The following LRRC17 variants were observed in gnomAD, a reference collection of about 807,000 sequenced individuals.
The protein encoded by LRRC17 is leucine-rich repeat-containing protein 17.
LRRC17 carries 33 observed loss-of-function variants against 41.5 expected under a neutral mutation model. That is an observed-to-expected ratio of 0.80 (90% CI 0.60 to 1.06). LRRC17 has a LOEUF of 1.06. LRRC17 is among the 50% of genes least tolerant of loss of function. The pLI, the probability that LRRC17 is intolerant of heterozygous loss-of-function variation, is 0.00. For missense variants in LRRC17, 491 were observed against 519.3 expected (o/e 0.95, Z 0.53); for synonymous variants, 192 against 197.0 (o/e 0.97, Z 0.21).
intron 1 of LRRC17, among the ~76,000 whole-genome samples, chr7:102,923,080 T>C (rs1817399808): frequency 6.6e-6 from 1 of 152,228 alleles, no homozygotes; most frequent in Non-Finnish European, 1.5e-5. Context: ...CACAAGGTGA[T>C]ATATGTCAAA....
chr7:102,937,245 A>C (rs995381519), intron 2 of LRRC17, among the ~76,000 whole-genome samples: 3 of 152,050 alleles, frequency 2.0e-5, no homozygotes, highest in Non-Finnish European at 4.4e-5. Context: ...CACGCCTATA[A>C]TCCCAGCACT....
chr7:102,934,244 G>C lies in LRRC17; in HGVS notation c.331G>C (p.Asp111His), dbSNP rs747517821. Residue 111 changes from aspartate to histidine, a missense_variant, in exon 2 of 4, where the codon GAT becomes CAT. Transcript: ENST00000339431. ...CAAGTTTAAAAAGCTGAAAAGCCTGGATCTGCAGCAGAATGAGATCTCTAA... is the reference window on the plus strand; with the variant it reads ...CAAGTTTAAAAAGCTGAAAAGCCTGCATCTGCAGCAGAATGAGATCTCTAA... ...FSKFKKLKSL[D>H]LQQNEISKIE... 4 of 1,614,200 alleles carry C rather than the reference G, an allele frequency of 2.5e-6. No homozygotes were observed. The highest frequency in any genetic ancestry group is 1.1e-5 in the South Asian group (1 of 91,084).
intron 2 of LRRC17, among the ~76,000 whole-genome samples, chr7:102,936,990 C>A (rs1016683079): frequency 2.0e-5 from 3 of 151,918 alleles, no homozygotes; most frequent in Non-Finnish European, 4.4e-5. Context: ...TTATTGCTTT[C>A]TTCAACTTAT....
intron 1 of LRRC17, among the ~76,000 whole-genome samples, chr7:102,920,546 T>C (rs1375878528): frequency 6.6e-6 from 1 of 152,014 alleles, no homozygotes; most frequent in African/African-American, 2.4e-5. Context: ...AGATGGAGTT[T>C]TACCATGTTG....
intron 1 of LRRC17, among the ~76,000 whole-genome samples, chr7:102,921,034 C>G (rs1408031723): frequency 6.6e-6 from 1 of 151,998 alleles, no homozygotes; most frequent in Non-Finnish European, 1.5e-5. Context: ...CACCTGTAAT[C>G]CCAGCTACTC....
chr7:102,928,702 C>A (rs757821927), intron 1 of LRRC17, among the ~76,000 whole-genome samples: 44 of 152,292 alleles, frequency 2.9e-4, no homozygotes, highest in Non-Finnish European at 5.6e-4. Context: ...TAATTCCCTC[C>A]AACACCTAGC....
chr7:102,939,060 A>G (rs138077832), intron 2 of LRRC17, among the ~76,000 whole-genome samples: 2 of 152,296 alleles, frequency 1.3e-5, no homozygotes, highest in African/African-American at 2.4e-5. Flanking sequence ...TTGCTCTGTC[A>G]TCCACCTTCA....
Position 102,933,935 on chromosome 7 carries a change from A to G in LRRC17, c.22A>G (p.Ile8Val). MRVVTIV[I>V]LLCFCKAAEL... ...CAGGATGCGTGTGGTTACCATTGTA[A>G]TCTTGCTCTGCTTTTGCAAAGCGGC... The change falls in exon 2 of 4, where the codon ATC (isoleucine) becomes GTC (valine). Residue 8 changes from isoleucine to valine, a missense_variant. Physicochemically the swap from Ile to Val is conservative, Grantham distance 29 (BLOSUM62 3). Transcript: ENST00000339431. 1 of 1,611,022 alleles carries G rather than the reference A, an allele frequency of 6.2e-7. No individual in the cohort carries two copies. The highest frequency in any genetic ancestry group is 8.5e-7 in the Non-Finnish European group (1 of 1,177,834).
At chr7:102,923,309 C>T (rs1029107356) in intron 1 of LRRC17, among the ~76,000 whole-genome samples, 1 of 152,080 alleles carries the variant, frequency 6.6e-6, no homozygotes, top group East Asian at 1.9e-4. Context: ...AATCAAGCCC[C>T]GATTTGTAGT....
Position 102,934,688 on chromosome 7 carries a change from T to A in LRRC17, c.772+3T>A. The A allele has an allele frequency of 1.3e-6, 2 of 1,573,558 alleles. No individual in the cohort carries two copies. The highest frequency in any genetic ancestry group is 1.7e-6 in the Non-Finnish European group (2 of 1,166,164). On this transcript the variant is annotated splice_donor_region_variant and intron_variant, in intron 2 of 3. Coordinates refer to ENST00000339431, the MANE Select transcript of LRRC17 (RefSeq NM_001031692.3). ...AACACTGGACTGCAAAAGGAAAGGT[T>A]TGTACTTTTCTTACTTTTTCATTTT...
intron 1 of LRRC17, among the ~76,000 whole-genome samples, chr7:102,921,963 G>A (rs1205186553): frequency 6.6e-6 from 1 of 152,036 alleles, no homozygotes. Context: ...GGCCAAGGTG[G>A]GTGGATCACT....
At chr7:102,937,588 T>A (rs1040837502) in intron 2 of LRRC17, among the ~76,000 whole-genome samples, 1 of 151,816 alleles carries the variant, frequency 6.6e-6, no homozygotes, top group Non-Finnish European at 1.5e-5. Flanking sequence ...TTTATATAAA[T>A]CTAGTGATTC....
intron 1 of LRRC17, among the ~76,000 whole-genome samples, chr7:102,915,468 T>G (rs555145112): frequency 6.6e-6 from 1 of 151,990 alleles, no homozygotes; most frequent in Non-Finnish European, 1.5e-5. Flanking sequence ...TTCCAAGAGT[T>G]TGAAGGATTT....
chr7:102,934,491 A>G lies in LRRC17; in HGVS notation c.578A>G (p.Glu193Gly). ...NRNLGNYAKC[E>G]SPQEQKNKKL... ...AATTTGGGGAACTACGCCAAGTGTG[A>G]AAGTCCACAAGAACAAAAAAATAAA... The change falls in exon 2 of 4, where the codon GAA becomes GGA. Residue 193 changes from glutamate (E) to glycine (G), a missense_variant. Coordinates refer to ENST00000339431, the MANE Select transcript of LRRC17 (RefSeq NM_001031692.3). The G allele has an allele frequency of 1.2e-6, 2 of 1,614,160 alleles. No individual in the cohort carries two copies. Among genetic ancestry groups the G allele is most frequent in the Non-Finnish European group, 1.7e-6 (2 of 1,180,030 alleles).
chr7:102,938,587 G>A (rs1820778708), intron 2 of LRRC17, among the ~76,000 whole-genome samples: 1 of 152,148 alleles, frequency 6.6e-6, no homozygotes, highest in African/African-American at 2.4e-5. Flanking sequence ...AGAATTTGGG[G>A]TAGCAGTATA....
intron 1 of LRRC17, among the ~76,000 whole-genome samples, chr7:102,932,204 A>C (rs1343435523): frequency 6.6e-6 from 1 of 152,230 alleles, no homozygotes; most frequent in Non-Finnish European, 1.5e-5. Flanking sequence ...CTATATACTT[A>C]GAGCTTTTAG....
intron 1 of LRRC17, chr7:102,931,828 A>G (rs971677101): frequency 1.9e-6 from 3 of 1,541,576 alleles, no homozygotes; most frequent in Non-Finnish European, 2.7e-6. Flanking sequence ...TGGCACCCCA[A>G]TGTAGCAAGT....
intron 1 of LRRC17, among the ~76,000 whole-genome samples, chr7:102,922,743 C>T (rs56319120): frequency 6.6e-5 from 10 of 152,006 alleles, no homozygotes; most frequent in Non-Finnish European, 1.3e-4. Flanking sequence ...GAGGCCGAGG[C>T]GGGCGGATCA....
At chr7:102,930,942 A>G (rs1455978300) in intron 1 of LRRC17, among the ~76,000 whole-genome samples, 1 of 152,148 alleles carries the variant, frequency 6.6e-6, no homozygotes, top group East Asian at 1.9e-4. Flanking sequence ...TGCTATGACT[A>G]CCACAAAGAA....
Sources: gnomAD v4.1 joint callset for allele counts (sites outside exome capture counted in the v4.1 genomes callset) on GRCh38, gnomAD v4.1.1 for gene constraint, MANE v1.5 for transcripts, NCBI Gene and HGNC (gene_info 2026-07-23, HGNC 2026-07-21) for gene names.